The following ELMO1 variants were observed in gnomAD, a reference collection of about 807,000 sequenced individuals.
The protein encoded by ELMO1 is engulfment and cell motility 1.
ELMO1 carries 26 observed loss-of-function variants against 98.9 expected under a neutral mutation model. That is an observed-to-expected ratio of 0.26 (90% CI 0.19 to 0.36). ELMO1 has a LOEUF of 0.36. Ranked by LOEUF, ELMO1 falls within the 10% of genes least tolerant of loss-of-function variation. ELMO1 has a pLI of 1.00. For synonymous variants in ELMO1, 346 were observed against 346.0 expected (o/e 1.00, Z 0.00); for missense variants, 627 against 935.2 (o/e 0.67, Z 4.30).
intron 13 of ELMO1, among the ~76,000 whole-genome samples, chr7:37,138,617 G>A (rs1422742574): frequency 6.6e-6 from 1 of 152,098 alleles, no homozygotes; most frequent in African/African-American, 2.4e-5. Context: ...AGGACCAGAT[G>A]GATTCACAGC....
At chr7:36,859,442 T>C (rs1562775799) in intron 21 of ELMO1, among the ~76,000 whole-genome samples, 1 of 152,114 alleles carries the variant, frequency 6.6e-6, no homozygotes. Flanking sequence ...GAAGAGTGGA[T>C]GGGAGCACAG....
intron 1 of ELMO1, among the ~76,000 whole-genome samples, chr7:37,371,278 G>A (rs1802104954): frequency 6.6e-6 from 1 of 152,168 alleles, no homozygotes; most frequent in South Asian, 2.1e-4. Context: ...CTTTACTTGA[G>A]TTAGGGAAGA....
At chr7:37,212,016 G>A (rs191184877) in intron 12 of ELMO1, among the ~76,000 whole-genome samples, 2 of 152,218 alleles carry the variant, frequency 1.3e-5, no homozygotes, top group African/African-American at 4.8e-5. Flanking sequence ...ACAAAATGTG[G>A]TGTGGACATA....
At chr7:36,940,762 T>G (rs1001416840) in intron 16 of ELMO1, among the ~76,000 whole-genome samples, 1 of 152,220 alleles carries the variant, frequency 6.6e-6, no homozygotes, top group Non-Finnish European at 1.5e-5. Context: ...AACATTTGAG[T>G]GTCTAGCATG....
At chr7:37,427,103 G>A (rs976578937) in intron 1 of ELMO1, among the ~76,000 whole-genome samples, 14 of 152,178 alleles carry the variant, frequency 9.2e-5, no homozygotes, top group African/African-American at 2.6e-4. Context: ...GACCACAAGG[G>A]GGTCTTCTTT....
At chr7:37,201,625 CCT>C (rs1291505888) in intron 13 of ELMO1, among the ~76,000 whole-genome samples, 2 of 152,168 alleles carry the variant, frequency 1.3e-5, no homozygotes, top group African/African-American at 4.8e-5. Flanking sequence ...CCCAAGAACC[CCT>C]GTCTTGGCCT....
At chr7:37,255,879 C>A (rs1284848819) in intron 6 of ELMO1, among the ~76,000 whole-genome samples, 2 of 117,592 alleles carry the variant, frequency 1.7e-5, no homozygotes, top group Non-Finnish European at 3.8e-5. Context: ...CCAGGCCCCA[C>A]TCTCTCACCA....
intron 1 of ELMO1, among the ~76,000 whole-genome samples, chr7:37,417,214 GAC>G: frequency 6.6e-6 from 1 of 152,250 alleles, no homozygotes; most frequent in Non-Finnish European, 1.5e-5. Flanking sequence ...CCCTGAGAAA[GAC>G]ACGTTGAAGT....
rs1458454575 is a variant in ELMO1 at position 37,448,791 on chromosome 7, G to GT, written c.-191dup. 4 of 152,896 alleles carry GT rather than the reference G, an allele frequency of 2.6e-5. No homozygotes were observed. Among genetic ancestry groups the GT allele is most frequent in the African/African-American group, 9.6e-5 (4 of 41,468 alleles). The allele number at this position is 152,896 out of a possible 1,614,324, so 9.5% of individuals were successfully genotyped here. On this transcript the variant is annotated 5_prime_UTR_variant, in exon 1 of 22. Transcript: ENST00000310758. The stretch of plus-strand genomic sequence containing the variant: ...TCGCCCAGCGTGGGGCCGCGGCGGC[G>GT]TGGGTGGCTCTGCCTCTATCCTGTG...
chr7:37,344,724 A>G (rs1346353182), intron 1 of ELMO1, among the ~76,000 whole-genome samples: 2 of 152,232 alleles, frequency 1.3e-5, no homozygotes, highest in Non-Finnish European at 2.9e-5. Flanking sequence ...TGCAAACCTG[A>G]CAGGTTGAAA....
intron 16 of ELMO1, among the ~76,000 whole-genome samples, chr7:36,943,649 G>A (rs1787238622): frequency 6.6e-6 from 1 of 152,232 alleles, no homozygotes; most frequent in African/African-American, 2.4e-5. Flanking sequence ...CTTCGAATAA[G>A]TGAAGTGTAT....
chr7:37,305,448 G>GTGTATA (rs1554292706), intron 4 of ELMO1, among the ~76,000 whole-genome samples: 13 of 151,208 alleles, frequency 8.6e-5, no homozygotes, highest in Admixed American at 3.3e-4. Flanking sequence ...TACAGATAGT[G>GTGTATA]TGTGTGTGTG....
chr7:37,092,212 C>A (rs1397070846), intron 15 of ELMO1, among the ~76,000 whole-genome samples: 1 of 151,874 alleles, frequency 6.6e-6, no homozygotes, highest in Non-Finnish European at 1.5e-5. Context: ...AAAAAGAAAA[C>A]TTTTAACCAA....
chr7:37,317,383 T>C (rs936640846), intron 2 of ELMO1, among the ~76,000 whole-genome samples: 1 of 152,202 alleles, frequency 6.6e-6, no homozygotes, highest in Non-Finnish European at 1.5e-5. Flanking sequence ...GAGGTGTTTG[T>C]TGCAGCACTA....
chr7:37,087,226 T>C (rs1165410238), intron 15 of ELMO1, among the ~76,000 whole-genome samples: 3 of 152,212 alleles, frequency 2.0e-5, no homozygotes, highest in African/African-American at 7.2e-5. Context: ...TCTTCAGGGA[T>C]AGAAAGTCTT....
intron 4 of ELMO1, among the ~76,000 whole-genome samples, chr7:37,312,778 T>G (rs761565480): frequency 3.3e-5 from 5 of 152,238 alleles, no homozygotes; most frequent in Non-Finnish European, 7.3e-5. Flanking sequence ...CCAGAACTAT[T>G]CACGACTCAA....
intron 15 of ELMO1, among the ~76,000 whole-genome samples, chr7:37,096,116 A>G (rs796762280): frequency 9.9e-5 from 15 of 152,230 alleles, no homozygotes; most frequent in African/African-American, 3.4e-4. Flanking sequence ...TGCTGACCAC[A>G]TTTTTCATTT....
At chr7:37,331,333 C>CTGTTTTTTTTTT (rs1800100099) in intron 2 of ELMO1, among the ~76,000 whole-genome samples, 1 of 28,734 alleles carries the variant, frequency 3.5e-5, no homozygotes, top group Non-Finnish European at 6.8e-5. Context: ...CCACGCCTGG[C>CTGTTTTTTTTTT]TTTTTTTTTT....
intron 16 of ELMO1, among the ~76,000 whole-genome samples, chr7:36,999,205 C>T (rs1313773635): frequency 6.6e-6 from 1 of 152,128 alleles, no homozygotes; most frequent in African/African-American, 2.4e-5. Context: ...CCATGCCTCT[C>T]CATGCCTCAT....
Sources: allele counts gnomAD v4.1 joint callset (sites outside exome capture counted in the v4.1 genomes callset), GRCh38; gene constraint gnomAD v4.1.1; transcripts MANE v1.5; gene names NCBI Gene and HGNC (gene_info 2026-07-23, HGNC 2026-07-21).